EHBP1: variants seen among roughly 807,000 people sequenced by gnomAD.
EHBP1 encodes the protein EH domain-binding protein 1.
EHBP1 carries 55 observed loss-of-function variants against 144.0 expected under a neutral mutation model. The observed-to-expected ratio is 0.38, with a 90% CI of 0.31 to 0.48. EHBP1 has a LOEUF of 0.48. Among genes scored for constraint, EHBP1 ranks in the 20% least tolerant of loss-of-function variants. The pLI, the probability that EHBP1 is intolerant of heterozygous loss-of-function variation, is 0.98. For missense variants in EHBP1, 1,200 were observed against 1,364.2 expected (o/e 0.88, Z 1.90); for synonymous variants, 469 against 472.7 (o/e 0.99, Z 0.10).
intron 10 of EHBP1, among the ~76,000 whole-genome samples, chr2:62,929,201 T>C (rs964989151): frequency 3.3e-5 from 5 of 152,158 alleles, no homozygotes; most frequent in African/African-American, 4.8e-5. Context: ...TTCCAAAACA[T>C]TGGAGAGGGA....
intron 1 of EHBP1, among the ~76,000 whole-genome samples, chr2:62,695,717 T>G (rs2034063859): frequency 6.6e-6 from 1 of 152,192 alleles, no homozygotes; most frequent in Non-Finnish European, 1.5e-5. Flanking sequence ...TCCTTATTAT[T>G]TTTATTTATT....
chr2:62,717,737 A>G (rs962684278), intron 2 of EHBP1, among the ~76,000 whole-genome samples: 9 of 152,210 alleles, frequency 5.9e-5, no homozygotes, highest in African/African-American at 9.6e-5. Context: ...TATAAAATTT[A>G]ACTTTAATTA....
At chr2:62,747,724 A>T (rs1205074911) in intron 3 of EHBP1, among the ~76,000 whole-genome samples, 1 of 151,904 alleles carries the variant, frequency 6.6e-6, no homozygotes, top group Admixed American at 6.6e-5. Flanking sequence ...GTTGGTGCAA[A>T]AGTAATTGCG....
At chr2:62,930,838 G>A (rs2055928292) in intron 10 of EHBP1, among the ~76,000 whole-genome samples, 1 of 152,116 alleles carries the variant, frequency 6.6e-6, no homozygotes, top group Non-Finnish European at 1.5e-5. Flanking sequence ...AAAGAATGAA[G>A]TTGGACCCTT....
At chr2:62,990,587 A>G in intron 15 of EHBP1, 129 bp from the exon 16 acceptor site, 1 of 940,410 alleles carries the variant, frequency 1.1e-6, no homozygotes, top group Non-Finnish European at 1.6e-6. Flanking sequence ...TCATGTGTCT[A>G]ATCTACTAAT....
rs184565331 is a variant in EHBP1, at chr2:62,865,013, A to T, written c.998+42A>T. 15 of 1,597,738 alleles carry T rather than the reference A, an allele frequency of 9.4e-6. No individual in the cohort carries two copies. In the Admixed American group the frequency reaches 1.5e-4, roughly 16 times the overall value. On this transcript the variant is annotated intron_variant, in intron 9 of 22. Coordinates refer to ENST00000431489, the MANE Select transcript of EHBP1 (RefSeq NM_001142616.3). ...TTGCTGTCATCACAAGTTAGTCTCT[A>T]TGTTACCTAAAGAGATCCTTTTGTA...
intron 5 of EHBP1, among the ~76,000 whole-genome samples, chr2:62,817,110 A>G (rs2045506714): frequency 6.6e-6 from 1 of 152,232 alleles, no homozygotes; most frequent in African/African-American, 2.4e-5. Flanking sequence ...CATTCACTTA[A>G]GAAGTATTTA....
chr2:62,713,334 T>C (rs2151857681), intron 2 of EHBP1, among the ~76,000 whole-genome samples: 1 of 151,386 alleles, frequency 6.6e-6, no homozygotes, highest in African/African-American at 2.4e-5. Flanking sequence ...CTCTGCCTCC[T>C]GGGTTCAAGT....
chr2:62,682,893 G>A (rs1399115530), intron 1 of EHBP1, among the ~76,000 whole-genome samples: 1 of 152,040 alleles, frequency 6.6e-6, no homozygotes, highest in Non-Finnish European at 1.5e-5. Flanking sequence ...TCCCAACACA[G>A]TTATGAAATG....
chr2:62,831,565 CTG>C (rs1268863024), intron 7 of EHBP1, among the ~76,000 whole-genome samples: 1 of 152,102 alleles, frequency 6.6e-6, no homozygotes, highest in African/African-American at 2.4e-5. Context: ...TGTGGACATT[CTG>C]TGTTTTGAAT....
chr2:62,969,086 A>G (rs1203036787), intron 14 of EHBP1, among the ~76,000 whole-genome samples: 5 of 91,192 alleles, frequency 5.5e-5, no homozygotes, highest in Admixed American at 4.9e-4. Flanking sequence ...AAATTATCAA[A>G]GGGTCCTTTT....
chr2:62,957,641 C>CTTTT (rs1157397512), intron 14 of EHBP1, among the ~76,000 whole-genome samples: 2,292 of 86,986 alleles, frequency 0.026, 502 homozygotes, highest in African/African-American at 0.099. Context: ...AAAATAAATG[C>CTTTT]TTTTTTTTTT....
intron 10 of EHBP1, among the ~76,000 whole-genome samples, chr2:62,928,544 C>T (rs1470694102): frequency 6.6e-6 from 1 of 151,928 alleles, no homozygotes; most frequent in Admixed American, 6.6e-5. Flanking sequence ...GAAGATGCAG[C>T]TTAATGTCAA....
chr2:62,812,416 GC>G (rs1192051845), intron 5 of EHBP1, among the ~76,000 whole-genome samples: 1 of 152,132 alleles, frequency 6.6e-6, no homozygotes, highest in African/African-American at 2.4e-5. Context: ...GGTGAAGCAG[GC>G]TAAAAAATGC....
chr2:63,024,599 C>T (rs1210463904), intron 19 of EHBP1, among the ~76,000 whole-genome samples: 3 of 49,534 alleles, frequency 6.1e-5, no homozygotes, highest in African/African-American at 2.3e-4. Context: ...AAGACCCTGT[C>T]TCAAAAAAAA....
intron 5 of EHBP1, among the ~76,000 whole-genome samples, chr2:62,813,056 C>T (rs952148626): frequency 6.6e-6 from 1 of 152,196 alleles, no homozygotes; most frequent in African/African-American, 2.4e-5. Flanking sequence ...TCCAGGCTGC[C>T]TGTCCCATCA....
At chr2:62,737,698 A>G (rs1182435640) in intron 2 of EHBP1, among the ~76,000 whole-genome samples, 1 of 152,176 alleles carries the variant, frequency 6.6e-6, no homozygotes, top group East Asian at 1.9e-4. Context: ...CAGTCCCACC[A>G]GCAATGTATG....
At chr2:62,900,684 G>GTATATATATATATATATATA (rs147278087) in intron 10 of EHBP1, among the ~76,000 whole-genome samples, 2 of 141,484 alleles carry the variant, frequency 1.4e-5, no homozygotes, top group African/African-American at 5.6e-5. Context: ...GTGTGTATGT[G>GTATATATATATATATATATA]TATATATATA....
intron 4 of EHBP1, 44 bp from the exon 5 acceptor site, chr2:62,771,295 A>G: frequency 6.8e-7 from 1 of 1,462,492 alleles, no homozygotes; most frequent in South Asian, 1.3e-5. Flanking sequence ...ATTGGACTAA[A>G]GACATGTATT....
Sources: gnomAD v4.1 joint callset for allele counts (sites outside exome capture counted in the v4.1 genomes callset) on GRCh38, gnomAD v4.1.1 for gene constraint, MANE v1.5 for transcripts, NCBI Gene and HGNC (gene_info 2026-07-23, HGNC 2026-07-21) for gene names.